The following RHNO1 variants were observed in gnomAD, a reference collection of about 807,000 sequenced individuals.
The protein encoded by RHNO1 is RAD9, HUS1, RAD1-interacting nuclear orphan protein 1.
In RHNO1, 9 loss-of-function variants were observed where a neutral mutation model predicts 7.2. That is an observed-to-expected ratio of 1.25 (90% CI 0.75 to 2.18). The LOEUF (loss-of-function observed/expected upper bound fraction) is 2.18. RHNO1 is among the 30% of genes most tolerant of loss of function. The pLI is 0.00. For missense variants in RHNO1, 292 were observed against 284.5 expected, an observed-to-expected ratio of 1.03 and a Z score of -0.19; for synonymous variants, 95 against 107.5, an observed-to-expected ratio of 0.88 and a Z score of 0.72.
chr12:2,883,806 G>A lies in RHNO1; in HGVS notation c.-84-1477G>A, dbSNP rs374098603. On this transcript the variant is annotated intron_variant, in intron 1 of 2. Transcript: ENST00000489288. ...GCTGGGATTACAGGCATGAGCCACC[G>A]CGCCCGGCCAAATATATTTTCTTCC... Among the ~76,000 whole-genome samples, 30 of 151,624 alleles carry A rather than the reference G, an allele frequency of 2.0e-4. No individual in the cohort carries two copies. In the South Asian group the frequency reaches 5.2e-3, roughly 26 times the overall value.
In RHNO1 at chr12:2,885,560, C is replaced by CTT. The variant is rs2098164432; in HGVS notation, c.168+26_168+27insTT. 79 of 737,618 alleles carry CTT rather than the reference C, an allele frequency of 1.1e-4. 1 individual carries two copies. Among genetic ancestry groups the CTT allele is most frequent in the African/African-American group, 6.0e-4 (26 of 43,606 alleles). 45.7% of individuals were successfully genotyped at this position (737,618 alleles called of 1,614,324 possible). Reference sequence around the variant, plus strand: ...GTAGGCCCATGGGATTACTATTTGACATTTTTTTTTTTTTTTTTTTTTTTT... The same window carrying CTT: ...GTAGGCCCATGGGATTACTATTTGACTTATTTTTTTTTTTTTTTTTTTTTTTT... On this transcript the variant is annotated intron_variant, in intron 2 of 2. Coordinates refer to ENST00000489288, the MANE Select transcript of RHNO1 (RefSeq NM_001252499.3).
At chr12:2,881,604 T>C (rs1365892734) in intron 1 of RHNO1, among the ~76,000 whole-genome samples, 3 of 151,978 alleles carry the variant, frequency 2.0e-5, no homozygotes, top group Non-Finnish European at 4.4e-5. Flanking sequence ...AAGATGTTAG[T>C]TCCTTAAGAA....
chr12:2,884,822 A>G lies in RHNO1; in HGVS notation c.-84-461A>G, dbSNP rs141430044. 7.9e-5 allele frequency among the ~76,000 whole-genome samples: 12 copies of G among 152,302 alleles called. No individual in the cohort carries two copies. In the East Asian group the frequency reaches 2.1e-3, roughly 27 times the overall value. On this transcript the variant is annotated intron_variant, in intron 1 of 2. Transcript: ENST00000489288. ...CATGCCTTTGTGTACACTGTTCCTC[A>G]GGCTGGAGTGCCCTCCTTGCTTTTT...
chr12:2,884,054 TTTTA>T (rs2098162395), intron 1 of RHNO1, among the ~76,000 whole-genome samples: 1 of 151,980 alleles, frequency 6.6e-6, no homozygotes, highest in Non-Finnish European at 1.5e-5. Flanking sequence ...ACCTGTTTTT[TTTTA>T]TTTGTTTGTT....
chr12:2,883,499 ATATATATATATATTTTTT>A (rs1445524016), intron 1 of RHNO1, among the ~76,000 whole-genome samples: 180 of 30,920 alleles, frequency 5.8e-3, no homozygotes, highest in African/African-American at 0.019. Flanking sequence ...ATATATATAT[ATATATATATATATTTTTT>A]TTTTTTTTTT....
chr12:2,880,383 G>A (rs993303547), intron 1 of RHNO1, among the ~76,000 whole-genome samples: 11 of 151,858 alleles, frequency 7.2e-5, no homozygotes, highest in African/African-American at 2.4e-4. Context: ...TTGGGAGGCC[G>A]AGGTGGGCAG....
chr12:2,888,337 G>A lies in RHNO1; in HGVS notation c.595G>A (p.Val199Ile). ...PNSPEPGPVL[V>I]KDTPEDKYGI... ...TAGCCCAGAGCCTGGACCTGTTCTG[G>A]TTAAAGACACCCCCGAGGACAAGTA... Residue 199 changes from valine to isoleucine, a missense_variant, in exon 3 of 3, where the codon GTT becomes ATT. Coordinates refer to ENST00000489288, the MANE Select transcript of RHNO1 (RefSeq NM_001252499.3). 6.2e-7 allele frequency: 1 copy of A among 1,614,128 alleles called. No individual in the cohort carries two copies. The highest frequency in any genetic ancestry group is 8.5e-7 in the Non-Finnish European group (1 of 1,180,026).
chr12:2,885,598 G>A lies in RHNO1; in HGVS notation c.168+64G>A, dbSNP rs1383599129. The A allele has an allele frequency of 1.3e-4, 164 of 1,266,612 alleles. 1 individual carries two copies. Among genetic ancestry groups the A allele is most frequent in the Middle Eastern group, 2.8e-4 (1 of 3,628 alleles). The allele number at this position is 1,266,612 out of a possible 1,614,324, so 78.5% of individuals were successfully genotyped here. A position where few individuals can be genotyped will look rare whatever the true frequency, so the allele number is the denominator to read the frequency against. On this transcript the variant is annotated intron_variant, in intron 2 of 2. Coordinates refer to ENST00000489288, the MANE Select transcript of RHNO1 (RefSeq NM_001252499.3). ...TTTTTTTTTTTTTTTTTTTTGAGAC[G>A]GAGTCTCGCTCTATCGCCCAGGCTG... is the stretch of plus-strand genomic sequence containing the variant.
Position 2,888,441 on chromosome 12 carries a change from A to G in RHNO1, c.699A>G (p.Gln233=). The part of the protein sequence containing the change: ...LRERGKLSRS[Q]FLVKS ...AGAGAGGGAAGCTGAGCAGAAGCCA[A>G]TTCCTTGTGAAAAGCTGACTGCCAT... The change falls in exon 3 of 3, where the codon CAA becomes CAG. Residue 233 remains glutamine (Q), a synonymous_variant. Transcript: ENST00000489288. 1.3e-6 allele frequency: 2 copies of G among 1,571,004 alleles called. No individual in the cohort carries two copies. The highest frequency in any genetic ancestry group is 1.7e-6 in the Non-Finnish European group (2 of 1,161,090).
At chr12:2,882,635 G>A (rs1175964888) in intron 1 of RHNO1, among the ~76,000 whole-genome samples, 1 of 150,722 alleles carries the variant, frequency 6.6e-6, no homozygotes, top group Non-Finnish European at 1.5e-5. Context: ...CTCGGGAGGT[G>A]GCGGTTGCAG....
chr12:2,877,548 C>G (rs2098148675), intron 1 of RHNO1, among the ~76,000 whole-genome samples: 1 of 152,166 alleles, frequency 6.6e-6, no homozygotes, highest in African/African-American at 2.4e-5. Context: ...GAAATCGTAC[C>G]CCATTTTCCC....
chr12:2,887,509 C>T (rs139693788), intron 2 of RHNO1, among the ~76,000 whole-genome samples: 1,507 of 147,874 alleles, frequency 0.01, 28 homozygotes, highest in African/African-American at 0.035. Flanking sequence ...AATACCTGGG[C>T]GTGGTGGCAG....
intron 1 of RHNO1, among the ~76,000 whole-genome samples, chr12:2,883,501 ATATATATATATTTTT>A (rs1204615694): frequency 1.2e-3 from 38 of 31,216 alleles, no homozygotes; most frequent in South Asian, 5.1e-3. Flanking sequence ...ATATATATAT[ATATATATATATTTTT>A]TTTTTTTTTT....
At chr12:2,887,506 G>A (rs1460456229) in intron 2 of RHNO1, among the ~76,000 whole-genome samples, 1 of 151,586 alleles carries the variant, frequency 6.6e-6, no homozygotes, top group African/African-American at 2.4e-5. Context: ...AAAAATACCT[G>A]GGCGTGGTGG....
chr12:2,887,884 T>C (rs1455520708), intron 2 of RHNO1, 27 bp from the exon 3 acceptor site: 5 of 1,518,222 alleles, frequency 3.3e-6, no homozygotes, highest in Non-Finnish European at 4.4e-6. Flanking sequence ...TTAGTTAGGC[T>C]CACCTCACTT....
Position 2,888,467 on chromosome 12 carries a change from C to T in RHNO1, c.*8C>T, listed in dbSNP as rs2098168330. The T allele has an allele frequency of 1.3e-6, 2 of 1,545,924 alleles. No individual in the cohort carries two copies. The highest frequency in any genetic ancestry group is 2.5e-5 in the South Asian group (2 of 80,442). On this transcript the variant is annotated 3_prime_UTR_variant, in exon 3 of 3. Transcript: ENST00000489288. ...TTCCTTGTGAAAAGCTGACTGCCAT[C>T]AGTAATCTCAATAGAAAAGAGATAT...
intron 1 of RHNO1, among the ~76,000 whole-genome samples, chr12:2,880,040 G>A (rs1603502863): frequency 6.6e-6 from 1 of 152,082 alleles, no homozygotes; most frequent in Admixed American, 6.6e-5. Context: ...AGTGGGCAGG[G>A]TGTGGTGATT....
chr12:2,881,849 G>A (rs2098158161), intron 1 of RHNO1, among the ~76,000 whole-genome samples: 1 of 150,814 alleles, frequency 6.6e-6, no homozygotes, highest in African/African-American at 2.5e-5. Context: ...AGGTTGTGGT[G>A]AGCCAAGATC....
chr12:2,887,542 G>A (rs769861632), intron 2 of RHNO1, among the ~76,000 whole-genome samples: 57 of 151,966 alleles, frequency 3.8e-4, no homozygotes, highest in Non-Finnish European at 7.1e-4. Context: ...CCAGCTACTC[G>A]GGAAGCTGAA....
Sources: gnomAD v4.1 joint callset for allele counts (sites outside exome capture counted in the v4.1 genomes callset) on GRCh38, gnomAD v4.1.1 for gene constraint, MANE v1.5 for transcripts, NCBI Gene and HGNC (gene_info 2026-07-23, HGNC 2026-07-21) for gene names.